Variants in DNM3 observed in about 807,000 individuals in gnomAD.
DNM3 encodes dynamin-3.
DNM3 carries 47 observed loss-of-function variants against 101.6 expected under a neutral mutation model. The observed-to-expected ratio is 0.46, with a 90% confidence interval of 0.37 to 0.59. The LOEUF (loss-of-function observed/expected upper bound fraction) is 0.59, where lower values mean the gene tolerates loss of function less well. Among genes scored for constraint, DNM3 ranks in the 20% least tolerant of loss-of-function variants. DNM3 has a pLI of 0.00. For missense variants in DNM3, 849 were observed against 1,085.7 expected (o/e 0.78, Z 3.06); for synonymous variants, 385 against 387.9 (o/e 0.99, Z 0.09).
At chr1:171,952,499 A>G (rs192688212) in intron 2 of DNM3, among the ~76,000 whole-genome samples, 3 of 152,234 alleles carry the variant, frequency 2.0e-5, no homozygotes, top group Non-Finnish European at 4.4e-5. Context: ...AGGGGGTGTA[A>G]CAAGACATGT....
In DNM3 at chr1:172,387,177, T is replaced by C. The variant is rs1573694550; in HGVS notation, c.2103T>C (p.Ser701=). 2 of 1,614,008 alleles carry C rather than the reference T, an allele frequency of 1.2e-6. No homozygotes were observed. The highest frequency in any genetic ancestry group is 1.7e-6 in the Non-Finnish European group (2 of 1,179,884). Residue 701 remains serine (S), a synonymous_variant, in exon 19 of 21, where the codon TCT becomes TCC. Transcript: ENST00000627582. ...INSELLAQLY[S]SEDQNTLMEE... is the part of the protein sequence containing the mutation. ...CCGAGCTCCTAGCACAGTTGTATTC[T>C]TCAGAGGACCAAAATACCCTGATGG... is the stretch of plus-strand genomic sequence containing the variant.
At chr1:172,155,112 T>G (rs896715311) in intron 14 of DNM3, among the ~76,000 whole-genome samples, 1 of 152,072 alleles carries the variant, frequency 6.6e-6, no homozygotes, top group Non-Finnish European at 1.5e-5. Context: ...GATTGCCATT[T>G]AAAGAGGAAC....
At chr1:172,091,587 A>G (rs990267948) in intron 12 of DNM3, among the ~76,000 whole-genome samples, 2 of 152,164 alleles carry the variant, frequency 1.3e-5, no homozygotes, top group South Asian at 2.1e-4. Flanking sequence ...AAAAGAGCAG[A>G]TGCCAGTGTG....
intron 14 of DNM3, among the ~76,000 whole-genome samples, chr1:172,148,747 T>G (rs2058017914): frequency 6.6e-6 from 1 of 152,134 alleles, no homozygotes; most frequent in African/African-American, 2.4e-5. Context: ...TAGCCCCACT[T>G]AGTTTGGCTT....
intron 2 of DNM3, among the ~76,000 whole-genome samples, chr1:171,958,102 A>G (rs899207037): frequency 2.0e-5 from 3 of 152,200 alleles, no homozygotes; most frequent in Non-Finnish European, 4.4e-5. Flanking sequence ...CTGTGGCAGA[A>G]GGTGAAAGGC....
intron 17 of DNM3, among the ~76,000 whole-genome samples, chr1:172,369,360 TGAA>T (rs1369602564): frequency 6.6e-6 from 1 of 151,840 alleles, no homozygotes; most frequent in Non-Finnish European, 1.5e-5. Context: ...ATCAACAGAA[TGAA>T]GGACAGAAAC....
intron 17 of DNM3, among the ~76,000 whole-genome samples, chr1:172,326,691 T>C (rs2065950909): frequency 6.6e-6 from 1 of 152,106 alleles, no homozygotes; most frequent in African/African-American, 2.4e-5. Context: ...TTAAATATTT[T>C]TGATATTAAA....
At chr1:172,027,617 C>G (rs58009848) in intron 4 of DNM3, among the ~76,000 whole-genome samples, 5,312 of 146,992 alleles carry the variant, frequency 0.036, 186 homozygotes, top group African/African-American at 0.096. Context: ...CACACACACA[C>G]AGAGAGAGAG....
chr1:172,090,416 C>T (rs1006833231), intron 12 of DNM3, among the ~76,000 whole-genome samples: 5 of 152,076 alleles, frequency 3.3e-5, no homozygotes, highest in East Asian at 1.9e-4. Flanking sequence ...AGCCAGAGGG[C>T]GGTGTGGGCA....
intron 14 of DNM3, among the ~76,000 whole-genome samples, chr1:172,149,141 G>A (rs1456837559): frequency 1.3e-5 from 2 of 152,080 alleles, no homozygotes; most frequent in Non-Finnish European, 1.5e-5. Context: ...GTACATTTAC[G>A]GACGCATGTT....
At chr1:172,218,049 T>C (rs1169049398) in intron 14 of DNM3, among the ~76,000 whole-genome samples, 1 of 152,182 alleles carries the variant, frequency 6.6e-6, no homozygotes, top group East Asian at 1.9e-4. Context: ...AATCTGGTTA[T>C]CCGCTATTTA....
At chr1:172,113,430 C>A (rs545924274) in intron 13 of DNM3, among the ~76,000 whole-genome samples, 1 of 151,750 alleles carries the variant, frequency 6.6e-6, no homozygotes, top group Non-Finnish European at 1.5e-5. Context: ...TCAGCCTGGC[C>A]GACATGGTGA....
At chr1:171,988,405 C>CA (rs202203061) in intron 3 of DNM3, among the ~76,000 whole-genome samples, 3,893 of 152,100 alleles carry the variant, frequency 0.026, 67 homozygotes, top group Admixed American at 0.061. Context: ...TTGGTGCCAA[C>CA]ATTGTTTATA....
chr1:172,113,011 C>T (rs938246704), intron 13 of DNM3, among the ~76,000 whole-genome samples: 8 of 152,052 alleles, frequency 5.3e-5, no homozygotes, highest in Non-Finnish European at 1.2e-4. Context: ...AATTTAATAA[C>T]GTTAGCAGTT....
rs563623543 is a variant in DNM3, at chr1:172,403,238, C to G, written c.2523-4534C>G. On this transcript the variant is annotated intron_variant, in intron 20 of 20. Transcript: ENST00000627582. ...TTTACCAGTCAGATAATTCCTACTT[C>G]CCATCCTATGGAGAAATAAGGGCAG... Among the ~76,000 whole-genome samples the G allele has an allele frequency of 3.8e-4, 58 of 152,134 alleles. 1 individual carries two copies. Among genetic ancestry groups the G allele is most frequent in the Non-Finnish European group, 6.8e-4 (46 of 68,014 alleles).
chr1:172,379,102 G>C lies in DNM3; in HGVS notation c.1978G>C (p.Val660Leu), dbSNP rs749628094. ...GCAAGTGGAGACCATTCGCAACCTCGTAGACTCCTACATGTCCATTATCAA... is the reference window on the plus strand; with the variant it reads ...GCAAGTGGAGACCATTCGCAACCTCCTAGACTCCTACATGTCCATTATCAA... Reference protein sequence around the residue: ...ERQVETIRNLVDSYMSIINKC... With the variant: ...ERQVETIRNLLDSYMSIINKC... The change falls in exon 18 of 21, where the codon GTA (valine) becomes CTA (leucine). Residue 660 changes from valine (V) to leucine (L), a missense_variant. Around this residue, in one of 5 missense-constraint regions of DNM3, gnomAD observed 256 missense variants for 311.7 expected, o/e 0.82. Transcript: ENST00000627582. 1.2e-6 allele frequency: 2 copies of C among 1,611,896 alleles called. No individual in the cohort carries two copies. Among genetic ancestry groups the C allele is most frequent in the African/African-American group, 2.7e-5 (2 of 74,780 alleles).
At chr1:171,857,745 G>T (rs1285688369) in intron 1 of DNM3, among the ~76,000 whole-genome samples, 1 of 152,134 alleles carries the variant, frequency 6.6e-6, no homozygotes, top group Non-Finnish European at 1.5e-5. Flanking sequence ...TACCATTATG[G>T]ACTGAACGTT....
intron 14 of DNM3, chr1:172,133,533 G>A (rs1481902466): frequency 4.1e-6 from 3 of 727,696 alleles, no homozygotes; most frequent in Non-Finnish European, 5.0e-6. Context: ...GGAAAGGGTA[G>A]TTTCATCCAT....
intron 15 of DNM3, among the ~76,000 whole-genome samples, chr1:172,281,025 CTCTT>C (rs1248128717): frequency 6.6e-6 from 1 of 151,926 alleles, no homozygotes; most frequent in Non-Finnish European, 1.5e-5. Flanking sequence ...TGGAAAGAGA[CTCTT>C]TATAACTGGA....
Sources: allele counts gnomAD v4.1 joint callset (sites outside exome capture counted in the v4.1 genomes callset), GRCh38; gene constraint gnomAD v4.1.1; regional missense constraint gnomAD v4.1.1; transcripts MANE v1.5; gene names NCBI Gene and HGNC (gene_info 2026-07-23, HGNC 2026-07-21).